HBA1: variants seen among roughly 807,000 people sequenced by gnomAD.
HBA1 encodes hemoglobin subunit alpha 1, also known as hemoglobin subunit alpha.
A neutral mutation model predicts 7.8 loss-of-function variants in HBA1; 3 were observed. The ratio of observed to expected loss-of-function variants is 0.38; its 90% CI spans 0.17 to 0.99. HBA1 has a LOEUF of 0.99. Among genes scored for constraint, HBA1 ranks in the 50% least tolerant of loss-of-function variants. The pLI is 0.38. For missense variants in HBA1, 67 were observed against 194.6 expected (o/e 0.34, Z 3.90); for synonymous variants, 32 against 91.8 (o/e 0.35, Z 3.72).
At position 177,516 on chromosome 16, in the gene HBA1, G is replaced by C; in HGVS notation, c.*105G>C. 1 of 1,449,558 alleles carries C rather than the reference G, an allele frequency of 6.9e-7. No homozygotes were observed. 89.8% of individuals were successfully genotyped at this position (1,449,558 alleles called of 1,614,324 possible). A position where few individuals can be genotyped will look rare whatever the true frequency, so the allele number is the denominator to read the frequency against. ...GTGGTCTTTGAATAAAGTCTGAGTG[G>C]GCGGCAGCCTGTGTGTGCCTGAGTT... On this transcript the variant is annotated 3_prime_UTR_variant, in exon 3 of 3. Coordinates refer to ENST00000320868, the MANE Select transcript of HBA1 (RefSeq NM_000558.5).
At chr16:177,171 G>T (rs1378129899) in intron 2 of HBA1, 38 bp downstream of exon 2, 1 of 1,609,962 alleles carries the variant, frequency 6.2e-7, no homozygotes, top group Non-Finnish European at 8.5e-7. Flanking sequence ...GTCGAGGGGC[G>T]AGATGGCGCC....
rs754145030 is a variant in HBA1, at chr16:177,083, C to T, written c.250C>T (p.Leu84=). 60 of 1,544,610 alleles carry T rather than the reference C, an allele frequency of 3.9e-5. No homozygotes were observed. The highest frequency in any genetic ancestry group is 2.3e-4 in the Middle Eastern group (1 of 4,378). Residue 84 remains leucine (L), a synonymous_variant, in exon 2 of 3, where the codon CTG becomes TTG. Coordinates refer to ENST00000320868, the MANE Select transcript of HBA1 (RefSeq NM_000558.5). The part of the protein sequence containing the change: ...VDDMPNALSA[L]SDLHAHKLRV... ...CGACATGCCCAACGCGCTGTCCGCC[C>T]TGAGCGACCTGCACGCGCACAAGCT... is the stretch of plus-strand genomic sequence containing the variant.
chr16:177,335 T>A lies in HBA1; in HGVS notation c.353T>A (p.Phe118Tyr). ...VTLAAHLPAE[F>Y]TPAVHASLDK... ...CTGGCCGCCCACCTCCCCGCCGAGTTCACCCCTGCGGTGCACGCCTCCCTG... is the reference window on the plus strand; with the variant it reads ...CTGGCCGCCCACCTCCCCGCCGAGTACACCCCTGCGGTGCACGCCTCCCTG... Residue 118 changes from phenylalanine (F) to tyrosine (Y), a missense_variant, in exon 3 of 3, where the codon TTC (phenylalanine) becomes TAC (tyrosine). Transcript: ENST00000320868. 1 of 1,613,416 alleles carries A rather than the reference T, an allele frequency of 6.2e-7. No homozygotes were observed. The highest frequency in any genetic ancestry group is 8.5e-7 in the Non-Finnish European group (1 of 1,179,886).
rs748369967 is a variant in HBA1, at chr16:177,180, C to A, written c.300+47C>A. On this transcript the variant is annotated intron_variant, in intron 2 of 2. Transcript: ENST00000320868. ...ATCTGGGTCGAGGGGCGAGATGGCG[C>A]CTTCCTCGCAGGGCAGAGGATCACG... 2.6e-5 allele frequency: 42 copies of A among 1,611,004 alleles called. No individual in the cohort carries two copies. In the African/African-American group the frequency reaches 5.1e-4, roughly 19 times the overall value.
rs1380849847 is a variant in HBA1 at position 177,353 on chromosome 16, C to A, written c.371C>A (p.Ala124Asp). 6.2e-7 allele frequency: 1 copy of A among 1,613,388 alleles called. No homozygotes were observed. The highest frequency in any genetic ancestry group is 8.5e-7 in the Non-Finnish European group (1 of 1,179,860). ...LPAEFTPAVH[A>D]SLDKFLASVS... ...GCCGAGTTCACCCCTGCGGTGCACGCCTCCCTGGACAAGTTCCTGGCTTCT... is the reference window on the plus strand; with the variant it reads ...GCCGAGTTCACCCCTGCGGTGCACGACTCCCTGGACAAGTTCCTGGCTTCT... The change falls in exon 3 of 3, where the codon GCC (alanine) becomes GAC (aspartate). Residue 124 changes from alanine (A) to aspartate (D), a missense_variant. Ala to Asp is a moderately radical substitution (Grantham distance 126). Coordinates refer to ENST00000320868, the MANE Select transcript of HBA1 (RefSeq NM_000558.5).
chr16:177,420 C>G lies in HBA1; in HGVS notation c.*9C>G. Reference sequence around the variant, plus strand: ...CCTCCAAATACCGTTAAGCTGGAGCCTCGGTGGCCATGCTTCTTGCCCCTT... The same window carrying G: ...CCTCCAAATACCGTTAAGCTGGAGCGTCGGTGGCCATGCTTCTTGCCCCTT... On this transcript the variant is annotated 3_prime_UTR_variant, in exon 3 of 3. Transcript: ENST00000320868. The G allele has an allele frequency of 1.9e-6, 3 of 1,613,464 alleles. No individual in the cohort carries two copies. The highest frequency in any genetic ancestry group is 2.5e-6 in the Non-Finnish European group (3 of 1,179,920).
Position 177,522 on chromosome 16 carries a change from A to G in HBA1, c.*111A>G, listed in dbSNP as rs111306104. 1 of 1,413,994 alleles carries G rather than the reference A, an allele frequency of 7.1e-7. No individual in the cohort carries two copies. Among genetic ancestry groups the G allele is most frequent in the Non-Finnish European group, 9.8e-7 (1 of 1,021,566 alleles). 87.6% of individuals were successfully genotyped at this position (1,413,994 alleles called of 1,614,324 possible). A position where few individuals can be genotyped will look rare whatever the true frequency, so the allele number is the denominator to read the frequency against. On this transcript the variant is annotated 3_prime_UTR_variant, in exon 3 of 3. Transcript: ENST00000320868. ...TTTGAATAAAGTCTGAGTGGGCGGCAGCCTGTGTGTGCCTGAGTTTTTTCC... is the reference window on the plus strand; with the variant it reads ...TTTGAATAAAGTCTGAGTGGGCGGCGGCCTGTGTGTGCCTGAGTTTTTTCC...
intron 2 of HBA1, 24 bp from the exon 3 acceptor site, chr16:177,259 C>T (rs2698755): frequency 3.1e-6 from 5 of 1,611,482 alleles, no homozygotes; most frequent in Non-Finnish European, 4.2e-6. Context: ...GCCCTCGGCC[C>T]CACTGACCCT....
Position 177,088 on chromosome 16 carries a change from C to T in HBA1, c.255C>T (p.Ser85=), listed in dbSNP as rs33996798. Residue 85 remains serine, a synonymous_variant, in exon 2 of 3, where the codon AGC becomes AGT. Transcript: ENST00000320868. ...DDMPNALSAL[S]DLHAHKLRVD... is the part of the protein sequence containing the mutation. Reference sequence around the variant, plus strand: ...TGCCCAACGCGCTGTCCGCCCTGAGCGACCTGCACGCGCACAAGCTTCGGG... The same window carrying T: ...TGCCCAACGCGCTGTCCGCCCTGAGTGACCTGCACGCGCACAAGCTTCGGG... 6.5e-7 allele frequency: 1 copy of T among 1,546,548 alleles called. No homozygotes were observed. Among genetic ancestry groups the T allele is most frequent in the Non-Finnish European group, 8.7e-7 (1 of 1,147,494 alleles).
intron 2 of HBA1, 28 bp downstream of exon 2, chr16:177,161 G>A: frequency 6.2e-7 from 1 of 1,608,104 alleles, no homozygotes; most frequent in Non-Finnish European, 8.5e-7. Flanking sequence ...AGCGATCTGG[G>A]TCGAGGGGCG....
At position 177,290 on chromosome 16, in the gene HBA1, G is replaced by C. The variant is rs1290693589; in HGVS notation, c.308G>C (p.Ser103Thr). 2.5e-6 allele frequency: 4 copies of C among 1,613,406 alleles called. No homozygotes were observed. Among genetic ancestry groups the C allele is most frequent in the Non-Finnish European group, 3.4e-6 (4 of 1,179,972 alleles). ...ACCCTCTTCTCTGCACAGCTCCTAA[G>C]CCACTGCCTGCTGGTGACCCTGGCC... The part of the protein sequence containing the change: ...RVDPVNFKLL[S>T]HCLLVTLAAH... The change falls in exon 3 of 3, where the codon AGC becomes ACC. Residue 103 changes from serine (S) to threonine (T), a missense_variant. Ser to Thr is a moderately conservative substitution (Grantham distance 58, BLOSUM62 1). Transcript: ENST00000320868.
rs33944813 is a variant in HBA1 at position 177,102 on chromosome 16, A to T, written c.269A>T (p.His90Leu). The change falls in exon 2 of 3, where the codon CAC becomes CTC. Residue 90 changes from histidine to leucine, a missense_variant. Coordinates refer to ENST00000320868, the MANE Select transcript of HBA1 (RefSeq NM_000558.5). ...TCCGCCCTGAGCGACCTGCACGCGC[A>T]CAAGCTTCGGGTGGACCCGGTCAAC... ...ALSALSDLHAHKLRVDPVNFK... is the reference protein window; with the variant it reads ...ALSALSDLHALKLRVDPVNFK... The T allele has an allele frequency of 6.4e-7, 1 of 1,556,858 alleles. No individual in the cohort carries two copies. The highest frequency in any genetic ancestry group is 8.7e-7 in the Non-Finnish European group (1 of 1,154,074).
intron 2 of HBA1, 75 bp downstream of exon 2, chr16:177,208 G>C (rs1419022358): frequency 1.4e-5 from 23 of 1,612,072 alleles, no homozygotes; most frequent in Middle Eastern, 1.7e-4. Flanking sequence ...GGATCACGCG[G>C]GTTGCGGGAG....
Position 177,522 on chromosome 16 carries a change from A to T in HBA1, c.*111A>T, listed in dbSNP as rs111306104. 1 of 1,413,994 alleles carries T rather than the reference A, an allele frequency of 7.1e-7. No individual in the cohort carries two copies. Among genetic ancestry groups the T allele is most frequent in the Non-Finnish European group, 9.8e-7 (1 of 1,021,566 alleles). The allele number at this position is 1,413,994 out of a possible 1,614,324, so 87.6% of individuals were successfully genotyped here. A position where few individuals can be genotyped will look rare whatever the true frequency, so the allele number is the denominator to read the frequency against. ...TTTGAATAAAGTCTGAGTGGGCGGC[A>T]GCCTGTGTGTGCCTGAGTTTTTTCC... On this transcript the variant is annotated 3_prime_UTR_variant, in exon 3 of 3. Transcript: ENST00000320868.
rs281860648 is a variant in HBA1, at chr16:176,767, G to T, written c.51G>T (p.Lys17Asn). 1 of 1,587,968 alleles carries T rather than the reference G, an allele frequency of 6.3e-7. No individual in the cohort carries two copies. The highest frequency in any genetic ancestry group is 1.1e-5 in the South Asian group (1 of 87,916). ...DKTNVKAAWG[K>N]VGAHAGEYGA... ...CCAACGTCAAGGCCGCCTGGGGTAA[G>T]GTCGGCGCGCACGCTGGCGAGTATG... The change falls in exon 1 of 3, where the codon AAG becomes AAT. Residue 17 changes from lysine (K) to asparagine (N), a missense_variant. Coordinates refer to ENST00000320868, the MANE Select transcript of HBA1 (RefSeq NM_000558.5).
In HBA1 at chr16:177,078, C is replaced by A; in HGVS notation, c.245C>A (p.Ser82Tyr). Residue 82 changes from serine to tyrosine, a missense_variant, in exon 2 of 3, where the codon TCC becomes TAC. Transcript: ENST00000320868. ...AHVDDMPNALSALSDLHAHKL... is the reference protein window; with the variant it reads ...AHVDDMPNALYALSDLHAHKL... Reference sequence around the variant, plus strand: ...GTGGACGACATGCCCAACGCGCTGTCCGCCCTGAGCGACCTGCACGCGCAC... The same window carrying A: ...GTGGACGACATGCCCAACGCGCTGTACGCCCTGAGCGACCTGCACGCGCAC... The A allele has an allele frequency of 1.3e-6, 2 of 1,537,640 alleles. No individual in the cohort carries two copies. Among genetic ancestry groups the A allele is most frequent in the Non-Finnish European group, 1.8e-6 (2 of 1,141,662 alleles).
chr16:177,507 G>C lies in HBA1; in HGVS notation c.*96G>C. The C allele has an allele frequency of 6.7e-7, 1 of 1,488,002 alleles. No individual in the cohort carries two copies. Among genetic ancestry groups the C allele is most frequent in the Non-Finnish European group, 9.2e-7 (1 of 1,087,094 alleles). The allele number at this position is 1,488,002 out of a possible 1,614,324, so 92.2% of individuals were successfully genotyped here. On this transcript the variant is annotated 3_prime_UTR_variant, in exon 3 of 3. Transcript: ENST00000320868. Reference sequence around the variant, plus strand: ...CGTACCCCCGTGGTCTTTGAATAAAGTCTGAGTGGGCGGCAGCCTGTGTGT... The same window carrying C: ...CGTACCCCCGTGGTCTTTGAATAAACTCTGAGTGGGCGGCAGCCTGTGTGT...
rs756810015 is a variant in HBA1 at position 177,308 on chromosome 16, C to A, written c.326C>A (p.Thr109Asn). ...CTCCTAAGCCACTGCCTGCTGGTGA[C>A]CCTGGCCGCCCACCTCCCCGCCGAG... ...FKLLSHCLLV[T>N]LAAHLPAEFT... The change falls in exon 3 of 3, where the codon ACC becomes AAC. Residue 109 changes from threonine (T) to asparagine (N), a missense_variant. Physicochemically the swap from Thr to Asn is moderately conservative, Grantham distance 65. This residue lies in a region of HBA1 where 58 missense variants were observed against 91.9 expected (regional missense o/e 0.63). Transcript: ENST00000320868. 20 of 1,613,162 alleles carry A rather than the reference C, an allele frequency of 1.2e-5. No homozygotes were observed. The South Asian group carries it at 1.6e-4, about 13-fold the overall frequency.
At chr16:177,249 G>A (rs1313360230) in intron 2 of HBA1, 34 bp from the exon 3 acceptor site, 1 of 1,612,624 alleles carries the variant, frequency 6.2e-7, no homozygotes, top group East Asian at 2.2e-5. Context: ...GCGGGCCTGG[G>A]CCCTCGGCCC....
Sources: allele counts gnomAD v4.1 joint callset, GRCh38; gene constraint gnomAD v4.1.1; regional missense constraint gnomAD v4.1.1; transcripts MANE v1.5; gene names NCBI Gene and HGNC (gene_info 2026-07-23, HGNC 2026-07-21).